The following NALF1 variants were observed in gnomAD, a reference collection of about 807,000 sequenced individuals.
NALF1 encodes NALCN channel auxiliary factor 1.
A neutral mutation model predicts 48.4 loss-of-function variants in NALF1; 3 were observed. The ratio of observed to expected loss-of-function variants is 0.06; its 90% CI spans 0.03 to 0.16. The LOEUF is 0.16. NALF1 is among the 10% of genes least tolerant of loss of function. The probability of loss-of-function intolerance (pLI) is 1.00; values close to 1 mark genes in which losing one functional copy is unlikely to be tolerated. For synonymous variants in NALF1, 262 were observed against 245.7 expected (o/e 1.07, Z -0.62); for missense variants, 526 against 571.5 (o/e 0.92, Z 0.81).
chr13:107,636,773 C>T (rs1363025085), intron 1 of NALF1, among the ~76,000 whole-genome samples: 2 of 151,366 alleles, frequency 1.3e-5, no homozygotes, highest in Non-Finnish European at 2.9e-5. Context: ...TAATACTGCC[C>T]AGTATTTAAA....
intron 1 of NALF1, among the ~76,000 whole-genome samples, chr13:107,418,605 T>C (rs1188973824): frequency 6.6e-6 from 1 of 152,100 alleles, no homozygotes; most frequent in Non-Finnish European, 1.5e-5. Context: ...GTTACATGGG[T>C]AAATTGCATG....
intron 1 of NALF1, among the ~76,000 whole-genome samples, chr13:107,256,002 T>C (rs1165620847): frequency 6.6e-6 from 1 of 152,166 alleles, no homozygotes; most frequent in Non-Finnish European, 1.5e-5. Context: ...TTTGATAATA[T>C]ATGTTCAGTA....
intron 1 of NALF1, among the ~76,000 whole-genome samples, chr13:107,236,725 C>G (rs1880356070): frequency 6.9e-6 from 1 of 143,988 alleles, no homozygotes; most frequent in African/African-American, 2.6e-5. Flanking sequence ...ATCTATCTAT[C>G]TATCTATCTA....
chr13:107,292,928 T>G (rs1269305773), intron 1 of NALF1, among the ~76,000 whole-genome samples: 1 of 152,078 alleles, frequency 6.6e-6, no homozygotes, highest in Non-Finnish European at 1.5e-5. Context: ...TGCTACAACA[T>G]TACAATGGCT....
At chr13:107,371,885 A>G (rs1594141678) in intron 1 of NALF1, among the ~76,000 whole-genome samples, 1 of 152,254 alleles carries the variant, frequency 6.6e-6, no homozygotes, top group East Asian at 1.9e-4. Context: ...GTCTAAACAT[A>G]TCTTTTGAAA....
chr13:107,553,195 T>A (rs1877348242), intron 1 of NALF1, among the ~76,000 whole-genome samples: 1 of 152,218 alleles, frequency 6.6e-6, no homozygotes, highest in Non-Finnish European at 1.5e-5. Context: ...TTATAAAATT[T>A]AGAAACGCAT....
chr13:107,783,259 C>A (rs77817119), intron 1 of NALF1, among the ~76,000 whole-genome samples: 4 of 44,006 alleles, frequency 9.1e-5, no homozygotes, highest in African/African-American at 4.3e-4. Flanking sequence ...GCCCCCCGCC[C>A]GGCCAGTCGC....
chr13:107,500,775 T>C (rs1281317376), intron 1 of NALF1, among the ~76,000 whole-genome samples: 5 of 151,716 alleles, frequency 3.3e-5, no homozygotes, highest in Non-Finnish European at 5.9e-5. Context: ...TATGCAGCCA[T>C]AAAAAATGAT....
chr13:107,305,265 A>G (rs1881912849), intron 1 of NALF1, among the ~76,000 whole-genome samples: 1 of 152,062 alleles, frequency 6.6e-6, no homozygotes, highest in Non-Finnish European at 1.5e-5. Context: ...ATTGCATTAA[A>G]GAAAACCACA....
At chr13:107,810,791 A>C (rs1416326940) in intron 1 of NALF1, among the ~76,000 whole-genome samples, 5 of 151,876 alleles carry the variant, frequency 3.3e-5, no homozygotes, top group African/African-American at 1.2e-4. Flanking sequence ...TCTTTTTTGC[A>C]TGCAAAAAAA....
At chr13:107,774,872 G>C (rs1168898803) in intron 1 of NALF1, among the ~76,000 whole-genome samples, 1 of 151,920 alleles carries the variant, frequency 6.6e-6, no homozygotes, top group East Asian at 1.9e-4. Flanking sequence ...GAGTCAGGAG[G>C]GCTCTTTCTT....
intron 1 of NALF1, among the ~76,000 whole-genome samples, chr13:107,634,100 A>C (rs1434796155): frequency 6.6e-6 from 1 of 152,064 alleles, no homozygotes; most frequent in East Asian, 1.9e-4. Flanking sequence ...AATTGTGTAG[A>C]ATTACCAGGC....
intron 1 of NALF1, among the ~76,000 whole-genome samples, chr13:107,346,352 A>G (rs1471778888): frequency 1.3e-5 from 2 of 152,202 alleles, no homozygotes; most frequent in African/African-American, 4.8e-5. Context: ...ATTATACGCA[A>G]TATCCAAGAG....
At chr13:107,282,215 A>C (rs1351169232) in intron 1 of NALF1, among the ~76,000 whole-genome samples, 1 of 152,210 alleles carries the variant, frequency 6.6e-6, no homozygotes, top group Non-Finnish European at 1.5e-5. Flanking sequence ...TATGTACACC[A>C]ATACTCCATC....
At chr13:107,512,806 A>G (rs1232290084) in intron 1 of NALF1, among the ~76,000 whole-genome samples, 1 of 152,140 alleles carries the variant, frequency 6.6e-6, no homozygotes, top group African/African-American at 2.4e-5. Flanking sequence ...GTAAACTGAC[A>G]TGGGACACTG....
At chr13:107,357,368 C>T (rs930579361) in intron 1 of NALF1, among the ~76,000 whole-genome samples, 6 of 152,120 alleles carry the variant, frequency 3.9e-5, no homozygotes, top group African/African-American at 1.4e-4. Context: ...AAACTGCCCC[C>T]ATGATCCGAT....
At chr13:107,616,734 T>C (rs906322812) in intron 1 of NALF1, among the ~76,000 whole-genome samples, 1 of 152,142 alleles carries the variant, frequency 6.6e-6, no homozygotes, top group African/African-American at 2.4e-5. Flanking sequence ...CGAATATTGA[T>C]AGAAGTAAAA....
intron 1 of NALF1, among the ~76,000 whole-genome samples, chr13:107,694,104 G>A (rs998950319): frequency 1.3e-5 from 2 of 152,132 alleles, no homozygotes; most frequent in Non-Finnish European, 2.9e-5. Context: ...TGTATGTATC[G>A]ACCTGTAGCA....
intron 1 of NALF1, among the ~76,000 whole-genome samples, chr13:107,213,260 A>AG (rs1879804103): frequency 6.6e-6 from 1 of 151,402 alleles, no homozygotes; most frequent in East Asian, 1.9e-4. Context: ...AGAAAAGAAA[A>AG]AGAAACTAGT....
Sources: allele counts gnomAD v4.1 joint callset (sites outside exome capture counted in the v4.1 genomes callset), GRCh38; gene constraint gnomAD v4.1.1; transcripts MANE v1.5; gene names NCBI Gene and HGNC (gene_info 2026-07-23, HGNC 2026-07-21).